CCDC171: variants seen among roughly 807,000 people sequenced by gnomAD.
The protein encoded by CCDC171 is coiled-coil domain containing 171, also known as coiled-coil domain-containing protein 171.
CCDC171 carries 177 observed loss-of-function variants against 168.2 expected under a neutral mutation model. The ratio of observed to expected loss-of-function variants is 1.05; its 90% confidence interval spans 0.93 to 1.19. The LOEUF (loss-of-function observed/expected upper bound fraction) is 1.19, where lower values mean the gene tolerates loss of function less well. Ranked by LOEUF, CCDC171 falls within the 50% of genes most tolerant of loss-of-function variation. CCDC171 has a pLI of 0.00. For missense variants in CCDC171, 1,991 were observed against 1,539.0 expected (o/e 1.29, Z -4.91); for synonymous variants, 687 against 540.8 (o/e 1.27, Z -3.75).
At chr9:15,957,477 T>G (rs972049221) in intron 25 of CCDC171, among the ~76,000 whole-genome samples, 7 of 152,302 alleles carry the variant, frequency 4.6e-5, no homozygotes, top group African/African-American at 1.7e-4. Flanking sequence ...ACTGTATATG[T>G]CAACTCTTGT....
intron 3 of CCDC171, among the ~76,000 whole-genome samples, chr9:15,573,294 G>A (rs2131111418): frequency 6.6e-6 from 1 of 151,258 alleles, no homozygotes; most frequent in African/African-American, 2.4e-5. Context: ...TTCTTTTTTT[G>A]AGACGAAGTC....
intron 25 of CCDC171, among the ~76,000 whole-genome samples, chr9:15,970,551 ATACT>A (rs1223909040): frequency 2.6e-4 from 40 of 152,254 alleles, no homozygotes; most frequent in Non-Finnish European, 4.4e-5. Flanking sequence ...AAATGTCATA[ATACT>A]TACCTGCTTT....
the CCDC171 span, among the ~76,000 whole-genome samples, chr9:16,098,574 T>G: frequency 1.3e-5 from 2 of 152,204 alleles, no homozygotes; most frequent in African/African-American, 4.8e-5. Flanking sequence ...ATATGTCCGC[T>G]TCCCAGTGTA....
At chr9:15,843,484 T>C (rs1318371458) in intron 21 of CCDC171, among the ~76,000 whole-genome samples, 1 of 152,078 alleles carries the variant, frequency 6.6e-6, no homozygotes, top group Non-Finnish European at 1.5e-5. Flanking sequence ...TATTAAGACC[T>C]GAGTACAAAA....
chr9:15,665,382 A>G (rs2048660684), intron 8 of CCDC171, among the ~76,000 whole-genome samples: 1 of 152,232 alleles, frequency 6.6e-6, no homozygotes, highest in South Asian at 2.1e-4. Flanking sequence ...ACTTTTCTAT[A>G]GTAAGAAATC....
At chr9:15,757,807 C>G (rs139352856) in intron 18 of CCDC171, among the ~76,000 whole-genome samples, 3 of 152,176 alleles carry the variant, frequency 2.0e-5, no homozygotes, top group Non-Finnish European at 4.4e-5. Flanking sequence ...AAGGGGCCAA[C>G]GTAGAGCTTG....
At chr9:16,006,577 C>A (rs1304152576) in intron 3 of CCDC171, among the ~76,000 whole-genome samples, 2 of 143,088 alleles carry the variant, frequency 1.4e-5, no homozygotes, top group Admixed American at 1.4e-4. Context: ...GCTATCCCTC[C>A]CCCCTCCCCT....
intron 11 of CCDC171, among the ~76,000 whole-genome samples, chr9:15,721,298 A>G (rs939556030): frequency 6.6e-6 from 1 of 152,092 alleles, no homozygotes; most frequent in Non-Finnish European, 1.5e-5. Flanking sequence ...TTTAAGCAAA[A>G]TAGTGCAGTA....
chr9:16,018,391 A>G (rs971953849), intron 3 of CCDC171, among the ~76,000 whole-genome samples: 2 of 152,192 alleles, frequency 1.3e-5, no homozygotes, highest in Admixed American at 6.5e-5. Flanking sequence ...GTTTATTTGT[A>G]TATATGTCAA....
intron 3 of CCDC171, among the ~76,000 whole-genome samples, chr9:15,993,323 T>C (rs1374173688): frequency 6.6e-6 from 1 of 151,988 alleles, no homozygotes; most frequent in Non-Finnish European, 1.5e-5. Flanking sequence ...TTGACAAACC[T>C]GACAAAAACA....
intron 18 of CCDC171, among the ~76,000 whole-genome samples, chr9:15,766,220 C>G (rs930718977): frequency 6.6e-6 from 1 of 152,106 alleles, no homozygotes; most frequent in African/African-American, 2.4e-5. Context: ...TATGAAGCTC[C>G]TGCTGTCTCC....
chr9:15,796,664 A>C (rs939829436), intron 21 of CCDC171, among the ~76,000 whole-genome samples: 1 of 152,182 alleles, frequency 6.6e-6, no homozygotes, highest in African/African-American at 2.4e-5. Flanking sequence ...GGGTGTTGGC[A>C]GGGTGCAAGA....
At chr9:15,964,848 C>A (rs1339426788) in intron 25 of CCDC171, among the ~76,000 whole-genome samples, 1 of 152,188 alleles carries the variant, frequency 6.6e-6, no homozygotes, top group East Asian at 1.9e-4. Context: ...GCAACCTCTG[C>A]CTCCTGGGTT....
At chr9:15,954,088 T>C (rs905382053) in intron 25 of CCDC171, among the ~76,000 whole-genome samples, 1 of 151,868 alleles carries the variant, frequency 6.6e-6, no homozygotes. Context: ...TAAAAGTTTG[T>C]CAATTTTGTT....
chr9:15,813,666 GTC>G, intron 21 of CCDC171, among the ~76,000 whole-genome samples: 1 of 151,780 alleles, frequency 6.6e-6, no homozygotes, highest in East Asian at 1.9e-4. Context: ...TGTATATTGT[GTC>G]TTTTTGTTCC....
At chr9:15,574,188 A>G (rs891046712) in intron 3 of CCDC171, among the ~76,000 whole-genome samples, 3 of 150,326 alleles carry the variant, frequency 2.0e-5, no homozygotes, top group African/African-American at 7.4e-5. Flanking sequence ...TCTGTTGTCC[A>G]GGCTGGAGTA....
chr9:15,828,646 T>C (rs2153724), intron 21 of CCDC171, among the ~76,000 whole-genome samples: 142,782 of 152,120 alleles, frequency 0.94, 67,058 homozygotes, highest in East Asian at 0.98. Context: ...TCATTCTCTA[T>C]AGGGTGCTAC....
At chr9:16,076,594 C>A in the CCDC171 span, among the ~76,000 whole-genome samples, 2 of 152,220 alleles carry the variant, frequency 1.3e-5, no homozygotes, top group Non-Finnish European at 2.9e-5. Flanking sequence ...CTTCAGCTCT[C>A]TCCGCCCCAC....
At chr9:15,991,761 C>G (rs1832208310) in intron 3 of CCDC171, among the ~76,000 whole-genome samples, 1 of 152,084 alleles carries the variant, frequency 6.6e-6, no homozygotes, top group South Asian at 2.1e-4. Flanking sequence ...CCACCAACCC[C>G]ACAGAAATAC....
Sources: gnomAD v4.1 joint callset for allele counts (sites outside exome capture counted in the v4.1 genomes callset) on GRCh38, gnomAD v4.1.1 for gene constraint, MANE v1.5 for transcripts, NCBI Gene and HGNC (gene_info 2026-07-23, HGNC 2026-07-21) for gene names.